The following TTLL5 variants were observed in gnomAD, a reference collection of about 807,000 sequenced individuals.
TTLL5 encodes the protein tubulin polyglutamylase TTLL5.
In TTLL5, 132 loss-of-function variants were observed where a neutral mutation model predicts 168.4. The ratio of observed to expected loss-of-function variants is 0.78; its 90% CI spans 0.68 to 0.91. The LOEUF (loss-of-function observed/expected upper bound fraction) is 0.91, where lower values mean the gene tolerates loss of function less well. Among genes scored for constraint, TTLL5 ranks in the 40% least tolerant of loss-of-function variants. TTLL5 has a pLI of 0.00. For missense variants in TTLL5, 1,545 were observed against 1,581.5 expected, an observed-to-expected ratio of 0.98 and a Z score of 0.39; for synonymous variants, 546 against 558.6, an observed-to-expected ratio of 0.98 and a Z score of 0.32.
chr14:75,870,268 T>TC (rs1412526109), intron 29 of TTLL5, among the ~76,000 whole-genome samples: 2 of 151,446 alleles, frequency 1.3e-5, no homozygotes, highest in Non-Finnish European at 3.0e-5. Flanking sequence ...TCAATCTTTT[T>TC]TTTTTTTTTT....
intron 28 of TTLL5, among the ~76,000 whole-genome samples, chr14:75,826,206 T>A (rs1284265652): frequency 1.3e-5 from 2 of 151,810 alleles, no homozygotes; most frequent in African/African-American, 4.8e-5. Context: ...CCAGTGTCAG[T>A]TTTTCTAGTT....
At chr14:75,816,974 A>ATTTTTTTTTTTTTTTTTTTTTTTTTTTTT (rs35736530) in intron 27 of TTLL5, among the ~76,000 whole-genome samples, 1 of 96,086 alleles carries the variant, frequency 1.0e-5, no homozygotes, top group Non-Finnish European at 1.9e-5. Context: ...TCCCTGTCTT[A>ATTTTTTTTTTTTTTTTTTTTTTTTTTTTT]TTTTTTTTTT....
intron 31 of TTLL5, among the ~76,000 whole-genome samples, chr14:75,914,737 C>T (rs1186351212): frequency 2.0e-5 from 3 of 151,568 alleles, no homozygotes; most frequent in Non-Finnish European, 2.9e-5. Context: ...CATTCTCCTG[C>T]CTCAGCCTCC....
chr14:75,908,203 A>G (rs1422341800), intron 31 of TTLL5, among the ~76,000 whole-genome samples: 1 of 152,248 alleles, frequency 6.6e-6, no homozygotes, highest in African/African-American at 2.4e-5. Context: ...TGTATGGACA[A>G]AGAGGACAGA....
intron 28 of TTLL5, among the ~76,000 whole-genome samples, chr14:75,831,467 G>A (rs1267092952): frequency 6.6e-6 from 1 of 152,180 alleles, no homozygotes; most frequent in Admixed American, 6.5e-5. Context: ...TCCATGGCTA[G>A]ATGTTGGGGG....
chr14:75,717,827 G>A (rs1469210233), intron 9 of TTLL5, 34 bp from the exon 10 acceptor site: 1 of 1,597,644 alleles, frequency 6.3e-7, no homozygotes, highest in Non-Finnish European at 8.6e-7. Flanking sequence ...TTGAAACTCT[G>A]TTCCTGGCAT....
chr14:75,946,290 C>T (rs1250681958), intron 31 of TTLL5, among the ~76,000 whole-genome samples: 1 of 152,056 alleles, frequency 6.6e-6, no homozygotes, highest in Non-Finnish European at 1.5e-5. Flanking sequence ...TCATACTGTA[C>T]AGTGAAAAGG....
chr14:75,738,533 T>G (rs1325796587), intron 15 of TTLL5, among the ~76,000 whole-genome samples: 5 of 152,178 alleles, frequency 3.3e-5, no homozygotes, highest in Non-Finnish European at 1.5e-5. Flanking sequence ...AGTAACTGAT[T>G]AATGTGGCTC....
intron 9 of TTLL5, among the ~76,000 whole-genome samples, chr14:75,708,149 G>A (rs1307739798): frequency 6.6e-6 from 1 of 152,200 alleles, no homozygotes; most frequent in African/African-American, 2.4e-5. Flanking sequence ...CCTTTTAGTT[G>A]ATGCATTTTT....
At chr14:75,804,926 C>G (rs961602057) in intron 27 of TTLL5, among the ~76,000 whole-genome samples, 1 of 152,136 alleles carries the variant, frequency 6.6e-6, no homozygotes, top group Admixed American at 6.5e-5. Flanking sequence ...TTCTTTAGTT[C>G]CTGGCCTACT....
At chr14:75,687,401 G>A (rs549965963) in intron 5 of TTLL5, among the ~76,000 whole-genome samples, 12 of 152,160 alleles carry the variant, frequency 7.9e-5, no homozygotes, top group African/African-American at 2.6e-4. Context: ...AGCCTCCCGA[G>A]TAGCTGGGAC....
chr14:75,879,762 C>T (rs558893094), intron 29 of TTLL5, among the ~76,000 whole-genome samples: 2 of 152,278 alleles, frequency 1.3e-5, no homozygotes, highest in African/African-American at 4.8e-5. Context: ...CTGGGTCTCT[C>T]TGCCTTTCAT....
At position 75,882,708 on chromosome 14, in the gene TTLL5, A is replaced by G. The variant is rs965183115; in HGVS notation, c.3546A>G (p.Leu1182=). ...AGGCAATCTTTGGCAGCCAGACACT[A>G]CCTAACTCCAATTTATGGACAATGA... ...RHQAIFGSQT[L]PNSNLWTMNN... The change falls in exon 30 of 32, where the codon CTA becomes CTG. Residue 1182 remains leucine (L), a synonymous_variant. Transcript: ENST00000298832. 4 of 1,613,044 alleles carry G rather than the reference A, an allele frequency of 2.5e-6. No homozygotes were observed. In the African/African-American group the frequency reaches 4.0e-5, roughly 16 times the overall value.
chr14:75,868,664 T>C (rs1025529103), intron 29 of TTLL5, among the ~76,000 whole-genome samples: 1 of 152,224 alleles, frequency 6.6e-6, no homozygotes, highest in African/African-American at 2.4e-5. Flanking sequence ...ATATACACAA[T>C]CCCACAGGTG....
At chr14:75,914,977 C>A (rs1382952151) in intron 31 of TTLL5, among the ~76,000 whole-genome samples, 12 of 152,198 alleles carry the variant, frequency 7.9e-5, no homozygotes, top group Admixed American at 7.9e-4. Flanking sequence ...CTTACTATAA[C>A]TTGTTACATG....
intron 6 of TTLL5, among the ~76,000 whole-genome samples, chr14:75,695,593 C>G (rs917639148): frequency 1.3e-5 from 2 of 152,126 alleles, no homozygotes; most frequent in African/African-American, 4.8e-5. Context: ...TGTGATGTCT[C>G]CCCTGGACAC....
In TTLL5 at chr14:75,719,563, G is replaced by A. The variant is rs140952310; in HGVS notation, c.843-172G>A. 2.2e-3 allele frequency among the ~76,000 whole-genome samples: 338 copies of A among 152,004 alleles called. 1 individual carries two copies. Among genetic ancestry groups the A allele is most frequent in the African/African-American group, 7.7e-3 (319 of 41,448 alleles). ...ATTTTCATTTCCATTGAAGAAATTG[G>A]TATGAAAGGATATATGACAAAAAGG... On this transcript the variant is annotated intron_variant, in intron 10 of 31. Transcript: ENST00000298832.
chr14:75,740,575 AT>A (rs1296052153), intron 15 of TTLL5, among the ~76,000 whole-genome samples: 1 of 152,034 alleles, frequency 6.6e-6, no homozygotes, highest in East Asian at 1.9e-4. Context: ...TTTATTCCAA[AT>A]TTCTAGATGC....
intron 12 of TTLL5, among the ~76,000 whole-genome samples, chr14:75,730,060 T>G (rs767096229): frequency 3.9e-5 from 6 of 152,208 alleles, no homozygotes; most frequent in Non-Finnish European, 5.9e-5. Context: ...CACCCTGTTC[T>G]TCTTACTTTT....
Sources: allele counts gnomAD v4.1 joint callset (sites outside exome capture counted in the v4.1 genomes callset), GRCh38; gene constraint gnomAD v4.1.1; transcripts MANE v1.5; gene names NCBI Gene and HGNC (gene_info 2026-07-23, HGNC 2026-07-21).